PARVA: variants seen among roughly 807,000 people sequenced by gnomAD.
The protein encoded by PARVA is parvin alpha.
PARVA carries 25 observed loss-of-function variants against 52.6 expected under a neutral mutation model. That is an observed-to-expected ratio of 0.48 (90% CI 0.35 to 0.66). PARVA has a LOEUF of 0.66. PARVA is among the 30% of genes least tolerant of loss of function. The pLI, the probability that PARVA is intolerant of heterozygous loss-of-function variation, is 0.01. For missense variants in PARVA, 373 were observed against 450.9 expected, an observed-to-expected ratio of 0.83 and a Z score of 1.56; for synonymous variants, 185 against 179.1, an observed-to-expected ratio of 1.03 and a Z score of -0.26.
At chr11:12,443,638 T>A (rs2135006756) in intron 1 of PARVA, among the ~76,000 whole-genome samples, 1 of 149,994 alleles carries the variant, frequency 6.7e-6, no homozygotes, top group East Asian at 2.2e-4. Flanking sequence ...TGCTTTTATT[T>A]TACTGATACT....
chr11:12,426,752 C>T (rs535526858), intron 1 of PARVA, among the ~76,000 whole-genome samples: 7 of 152,102 alleles, frequency 4.6e-5, no homozygotes, highest in South Asian at 4.2e-4. Flanking sequence ...AAGCTCTGCC[C>T]GCTGCCTGAC....
chr11:12,517,496 G>C (rs1267294684), intron 10 of PARVA, 114 bp from the exon 11 acceptor site: 2 of 763,170 alleles, frequency 2.6e-6, no homozygotes, highest in African/African-American at 3.4e-5. Context: ...CGAGCTAGCA[G>C]CCTGGCTGGG....
intron 12 of PARVA, among the ~76,000 whole-genome samples, chr11:12,521,719 G>T (rs374732337): frequency 6.6e-6 from 1 of 152,106 alleles, no homozygotes. Context: ...ATTATAAGTC[G>T]AAGTGGGAGG....
chr11:12,434,486 G>T (rs927608126), intron 1 of PARVA, among the ~76,000 whole-genome samples: 1 of 152,096 alleles, frequency 6.6e-6, no homozygotes, highest in African/African-American at 2.4e-5. Flanking sequence ...TCCCAGCCTT[G>T]GAGTTCCTCC....
At chr11:12,457,326 A>G (rs370997042) in intron 1 of PARVA, among the ~76,000 whole-genome samples, 17 of 152,346 alleles carry the variant, frequency 1.1e-4, no homozygotes, top group African/African-American at 2.9e-4. Flanking sequence ...GGGTGCTGCA[A>G]TGGGTCTGTG....
At chr11:12,504,218 T>G (rs563071479) in intron 5 of PARVA, 96 bp from the exon 6 acceptor site, 2 of 687,364 alleles carry the variant, frequency 2.9e-6, no homozygotes, top group East Asian at 5.4e-5. Flanking sequence ...ATATCCAAAC[T>G]CTATCAGTGG....
chr11:12,411,920 C>T (rs1180239221), intron 1 of PARVA, among the ~76,000 whole-genome samples: 1 of 152,214 alleles, frequency 6.6e-6, no homozygotes, highest in Non-Finnish European at 1.5e-5. Flanking sequence ...GCACCCCCAG[C>T]TTCTCAGCAT....
rs895302255 is a variant in PARVA, at chr11:12,533,573, T to G, written c.*5648T>G. 2.6e-5 allele frequency among the ~76,000 whole-genome samples: 4 copies of G among 152,056 alleles called. No homozygotes were observed. The highest frequency in any genetic ancestry group is 9.7e-5 in the African/African-American group (4 of 41,392). On this transcript the variant is annotated 3_prime_UTR_variant, in exon 13 of 13. Coordinates refer to ENST00000334956, the MANE Select transcript of PARVA (RefSeq NM_018222.5). ...CACCGACCCCTGAGCAGCTGAAAAT[T>G]TGCATGTAACTTGACTCCCCCAAAA...
At chr11:12,419,872 G>T (rs1940123340) in intron 1 of PARVA, among the ~76,000 whole-genome samples, 1 of 152,162 alleles carries the variant, frequency 6.6e-6, no homozygotes, top group African/African-American at 2.4e-5. Context: ...TTCTTACGTT[G>T]TTGCTGAAGG....
chr11:12,522,807 C>T (rs1354734126), intron 12 of PARVA, among the ~76,000 whole-genome samples: 1 of 149,076 alleles, frequency 6.7e-6, no homozygotes, highest in African/African-American at 2.5e-5. Context: ...AAAAAACAGA[C>T]AGCTCATGTA....
intron 1 of PARVA, among the ~76,000 whole-genome samples, chr11:12,393,629 T>C (rs1471111669): frequency 6.6e-6 from 1 of 152,150 alleles, no homozygotes; most frequent in Non-Finnish European, 1.5e-5. Context: ...TGGGAGGTCT[T>C]GGGGGACCAG....
intron 4 of PARVA, among the ~76,000 whole-genome samples, chr11:12,481,888 G>A (rs186728072): frequency 6.6e-6 from 1 of 152,194 alleles, no homozygotes; most frequent in Non-Finnish European, 1.5e-5. Context: ...AAGGATACAG[G>A]GCCAGGCGTG....
intron 4 of PARVA, among the ~76,000 whole-genome samples, chr11:12,490,556 T>G (rs1941223374): frequency 6.6e-6 from 1 of 151,476 alleles, no homozygotes; most frequent in South Asian, 2.1e-4. Context: ...AAAGGCATTT[T>G]CAATAAACAC....
chr11:12,519,078 G>T (rs1941607757), intron 12 of PARVA, among the ~76,000 whole-genome samples: 1 of 152,244 alleles, frequency 6.6e-6, no homozygotes, highest in Non-Finnish European at 1.5e-5. Flanking sequence ...GTGAGCAGAG[G>T]AGGCACGCTT....
rs1393730338 is a variant in PARVA, at chr11:12,518,444, G to C, written c.970-1G>C. On this transcript the variant is annotated splice_acceptor_variant, in intron 11 of 12. Coordinates refer to ENST00000334956, the MANE Select transcript of PARVA (RefSeq NM_018222.5). LOFTEE classifies it high-confidence loss of function. ...CATGCTGTCTGCATCTCTCTTGCCAGGTCTTGAATGTCTCCTTTGCCTTTG... is the reference window on the plus strand; with the variant it reads ...CATGCTGTCTGCATCTCTCTTGCCACGTCTTGAATGTCTCCTTTGCCTTTG... The C allele has an allele frequency of 6.2e-7, 1 of 1,613,100 alleles. No homozygotes were observed. Among genetic ancestry groups the C allele is most frequent in the Non-Finnish European group, 8.5e-7 (1 of 1,179,250 alleles).
intron 1 of PARVA, among the ~76,000 whole-genome samples, chr11:12,379,204 T>C (rs1473950370): frequency 6.6e-6 from 1 of 151,042 alleles, no homozygotes; most frequent in Non-Finnish European, 1.5e-5. Context: ...CCGACTTCTT[T>C]ACTGCGACCT....
rs1029230648 is a variant in PARVA, at chr11:12,529,330, G to C, written c.*1405G>C. 3 of 152,112 alleles carry C rather than the reference G, an allele frequency of 2.0e-5. No homozygotes were observed. Among genetic ancestry groups the C allele is most frequent in the Non-Finnish European group, 4.4e-5 (3 of 68,030 alleles). The allele number at this position is 152,112 out of a possible 1,614,324, so 9.4% of individuals were successfully genotyped here. On this transcript the variant is annotated 3_prime_UTR_variant, in exon 13 of 13. Transcript: ENST00000334956. ...CCTGTAAGAATAGGGAAGGGCGGAG[G>C]GGGGTGGGCAGTGACTAGGGGACGA...
intron 1 of PARVA, among the ~76,000 whole-genome samples, chr11:12,415,823 C>A (rs899949306): frequency 6.6e-6 from 1 of 152,164 alleles, no homozygotes; most frequent in African/African-American, 2.4e-5. Flanking sequence ...TTGCTGAGTA[C>A]TTTTTCAGCC....
At chr11:12,501,468 T>C (rs1941362920) in intron 5 of PARVA, among the ~76,000 whole-genome samples, 1 of 152,144 alleles carries the variant, frequency 6.6e-6, no homozygotes, top group Non-Finnish European at 1.5e-5. Flanking sequence ...GGAGAAACTC[T>C]AGCATCACCA....
Sources: gnomAD v4.1 joint callset for allele counts (sites outside exome capture counted in the v4.1 genomes callset) on GRCh38, gnomAD v4.1.1 for gene constraint, MANE v1.5 for transcripts, NCBI Gene and HGNC (gene_info 2026-07-23, HGNC 2026-07-21) for gene names.